CSK: variants seen among roughly 807,000 people sequenced by gnomAD.
CSK encodes the protein tyrosine-protein kinase CSK.
Under a neutral mutation model 62.3 loss-of-function variants are expected in CSK, and 7 were observed. That is an observed-to-expected ratio of 0.11 (90% CI 0.06 to 0.21). CSK has a LOEUF of 0.21. Among genes scored for constraint, CSK ranks in the 10% least tolerant of loss-of-function variants. The probability of loss-of-function intolerance (pLI) is 1.00; values close to 1 mark genes in which losing one functional copy is unlikely to be tolerated. For missense variants in CSK, 294 were observed against 613.5 expected, an observed-to-expected ratio of 0.48 and a Z score of 5.50; for synonymous variants, 237 against 246.0, an observed-to-expected ratio of 0.96 and a Z score of 0.34.
At chr15:74,788,467 G>C (rs530569732) in intron 1 of CSK, 2 of 152,322 alleles carry the variant, frequency 1.3e-5, no homozygotes, top group African/African-American at 4.8e-5. Context: ...TTGCCCTATG[G>C]GGTGTTTGAA....
rs774545610 is a variant in CSK at position 74,800,853 on chromosome 15, A to G, written c.653A>G (p.Lys218Arg). 3 of 1,613,344 alleles carry G rather than the reference A, an allele frequency of 1.9e-6. No homozygotes were observed. In the Admixed American group the frequency reaches 5.0e-5, roughly 27 times the overall value. ...DVMLGDYRGN[K>R]VAVKCIKNDA... ...ATGCTGGGCGATTACCGAGGGAACAAAGTCGCCGTCAAGTGCATTAAGAAC... is the reference window on the plus strand; with the variant it reads ...ATGCTGGGCGATTACCGAGGGAACAGAGTCGCCGTCAAGTGCATTAAGAAC... The change falls in exon 8 of 13, where the codon AAA becomes AGA. Residue 218 changes from lysine (K) to arginine (R), a missense_variant. By Grantham distance (26) the Lys-to-Arg change is conservative (BLOSUM62 2). Around this residue, in one of 3 missense-constraint regions of CSK, gnomAD observed 202 missense variants for 415.7 expected, o/e 0.49. Transcript: ENST00000220003.
chr15:74,793,001 A>T (rs2063647358), intron 1 of CSK: 1 of 152,262 alleles, frequency 6.6e-6, no homozygotes, highest in Admixed American at 6.5e-5. Context: ...TGATGTAGCC[A>T]GGCTGGATTC....
chr15:74,784,710 C>T (rs1344861261), intron 1 of CSK, among the ~76,000 whole-genome samples: 2 of 152,202 alleles, frequency 1.3e-5, no homozygotes, highest in Non-Finnish European at 2.9e-5. Flanking sequence ...CAGCTTCCTC[C>T]AAACAAGTAT....
At chr15:74,795,133 C>T (rs930174866) in intron 1 of CSK, among the ~76,000 whole-genome samples, 3 of 152,084 alleles carry the variant, frequency 2.0e-5, no homozygotes, top group Admixed American at 6.5e-5. Flanking sequence ...CAGACTGCTG[C>T]ATCAACCTGG....
At position 74,797,054 on chromosome 15, in the gene CSK, A is replaced by G. The variant is rs373975824; in HGVS notation, c.-65-1179A>G. On this transcript the variant is annotated intron_variant, in intron 1 of 12. Transcript: ENST00000220003. Reference sequence around the variant, plus strand: ...CTCCCCAGGCTCAAGCGATCCTCCCACCTCAGCCTCCTGAGTAGCTGGGAG... The same window carrying G: ...CTCCCCAGGCTCAAGCGATCCTCCCGCCTCAGCCTCCTGAGTAGCTGGGAG... Among the ~76,000 whole-genome samples, 203 of 151,758 alleles carry G rather than the reference A, an allele frequency of 1.3e-3. 1 individual carries two copies. Among genetic ancestry groups the G allele is most frequent in the East Asian group, 5.8e-3 (30 of 5,130 alleles).
intron 1 of CSK, among the ~76,000 whole-genome samples, chr15:74,791,716 A>G (rs544626713): frequency 3.2e-4 from 49 of 152,262 alleles, no homozygotes; most frequent in South Asian, 4.1e-4. Flanking sequence ...CTTTTATGAC[A>G]TTGACATGAA....
At chr15:74,793,266 C>T (rs1263350678) in intron 1 of CSK, 1 of 152,540 alleles carries the variant, frequency 6.6e-6, no homozygotes, top group Non-Finnish European at 1.5e-5. Flanking sequence ...GTTTAGCCCT[C>T]TTCCCTGTTT....
At chr15:74,791,085 T>C (rs2063613387) in intron 1 of CSK, 1 of 152,258 alleles carries the variant, frequency 6.6e-6, no homozygotes, top group Admixed American at 6.5e-5. Context: ...TAAGTTTCTC[T>C]TGAACTTGAT....
intron 1 of CSK, among the ~76,000 whole-genome samples, chr15:74,785,782 G>C (rs2063505911): frequency 6.6e-6 from 1 of 152,120 alleles, no homozygotes; most frequent in Admixed American, 6.5e-5. Flanking sequence ...AGGAGCCCCT[G>C]TGAAACCCCC....
At chr15:74,793,077 C>G (rs537649259) in intron 1 of CSK, 9 of 152,306 alleles carry the variant, frequency 5.9e-5, no homozygotes, top group East Asian at 1.9e-4. Flanking sequence ...GAGGAGCCGT[C>G]CAAGAGAGTT....
chr15:74,800,306 A>T (rs931600623), intron 5 of CSK, 106 bp from the exon 6 acceptor site: 1 of 946,686 alleles, frequency 1.1e-6, no homozygotes, highest in East Asian at 2.6e-5. Flanking sequence ...CAGTGACTCC[A>T]GGCTAGGCGG....
intron 1 of CSK, among the ~76,000 whole-genome samples, chr15:74,796,627 A>T (rs2063710744): frequency 6.6e-6 from 1 of 151,974 alleles, no homozygotes; most frequent in Non-Finnish European, 1.5e-5. Context: ...AAAAGAAAAA[A>T]TCCATGTGTA....
intron 1 of CSK, chr15:74,793,314 G>C (rs2141804715): frequency 6.5e-6 from 1 of 152,770 alleles, no homozygotes; most frequent in East Asian, 1.9e-4. Context: ...AGCTCCTTGA[G>C]GCAGCCCACC....
At chr15:74,785,951 C>G (rs530084798) in intron 1 of CSK, among the ~76,000 whole-genome samples, 16 of 151,706 alleles carry the variant, frequency 1.1e-4, no homozygotes, top group African/African-American at 3.6e-4. Flanking sequence ...CCCTTCCGGT[C>G]TCCCAGCATC....
rs80305090 is a variant in CSK, at chr15:74,791,449, A to C, written c.-65-6784A>C. ...GCTGATTTGAGTGTTAGTTGTAGGCATTGCATCTTTCACCCTAAGAACTTT... is the reference window on the plus strand; with the variant it reads ...GCTGATTTGAGTGTTAGTTGTAGGCCTTGCATCTTTCACCCTAAGAACTTT... On this transcript the variant is annotated intron_variant, in intron 1 of 12. Transcript: ENST00000220003. Among the ~76,000 whole-genome samples, 1,278 of 152,286 alleles carry C rather than the reference A, an allele frequency of 8.4e-3. 12 individuals carry two copies. Among genetic ancestry groups the C allele is most frequent in the African/African-American group, 0.029 (1,196 of 41,550 alleles).
Position 74,798,967 on chromosome 15 carries a change from G to A in CSK, c.242+29G>A, listed in dbSNP as rs780130761. 2 of 1,480,372 alleles carry A rather than the reference G, an allele frequency of 1.4e-6. No homozygotes were observed. The highest frequency in any genetic ancestry group is 2.0e-5 in the African/African-American group (1 of 49,846). 91.7% of individuals were successfully genotyped at this position (1,480,372 alleles called of 1,614,324 possible). A position where few individuals can be genotyped will look rare whatever the true frequency, so the allele number is the denominator to read the frequency against. On this transcript the variant is annotated intron_variant, in intron 4 of 12. Coordinates refer to ENST00000220003, the MANE Select transcript of CSK (RefSeq NM_004383.3). This position sits in a 1 kb window ranked among gnomAD's most constrained non-coding sequence, Gnocchi z 6.6. ...AGTACCACGAGGAGGGGTTGGGGAG[G>A]GAAGGGGCCTTGGTCCTCCTGAAGG...
At chr15:74,789,134 A>G (rs557796503) in intron 1 of CSK, among the ~76,000 whole-genome samples, 3 of 152,336 alleles carry the variant, frequency 2.0e-5, no homozygotes, top group African/African-American at 7.2e-5. Context: ...GGGGAAAAAA[A>G]GCCAGTGTGT....
intron 1 of CSK, among the ~76,000 whole-genome samples, chr15:74,787,474 C>T (rs2063541024): frequency 6.6e-6 from 1 of 152,158 alleles, no homozygotes; most frequent in South Asian, 2.1e-4. Context: ...AACTGAGGCC[C>T]AGAAAGGAGA....
In CSK at chr15:74,799,416, C is replaced by T; in HGVS notation, c.387C>T (p.Tyr129=). ...CVSCDGKVEH[Y]RIMYHASKLS... ...GCTGCGACGGCAAGGTGGAGCACTACCGCATCATGTACCATGCCAGCAAGC... is the reference window on the plus strand; with the variant it reads ...GCTGCGACGGCAAGGTGGAGCACTATCGCATCATGTACCATGCCAGCAAGC... The change falls in exon 5 of 13, where the codon TAC becomes TAT. Residue 129 remains tyrosine (Y), a synonymous_variant. Transcript: ENST00000220003. 3 of 1,613,654 alleles carry T rather than the reference C, an allele frequency of 1.9e-6. No homozygotes were observed. Among genetic ancestry groups the T allele is most frequent in the Non-Finnish European group, 2.5e-6 (3 of 1,180,032 alleles).
Sources: gnomAD v4.1 joint callset for allele counts (sites outside exome capture counted in the v4.1 genomes callset) on GRCh38, gnomAD v4.1.1 for gene constraint, gnomAD v4.1.1 regional missense constraint, Gnocchi (gnomAD v3.1) non-coding constraint, MANE v1.5 for transcripts, NCBI Gene and HGNC (gene_info 2026-07-23, HGNC 2026-07-21) for gene names.